The following R3HCC1L variants were observed in gnomAD, a reference collection of about 807,000 sequenced individuals.
R3HCC1L encodes the protein R3H domain and coiled-coil containing 1 like, also known as coiled-coil domain-containing protein R3HCC1L.
R3HCC1L carries 51 observed loss-of-function variants against 59.9 expected under a neutral mutation model. That is an observed-to-expected ratio of 0.85 (90% CI 0.68 to 1.07). R3HCC1L has a LOEUF of 1.07. Among genes scored for constraint, R3HCC1L ranks in the 50% least tolerant of loss-of-function variants. The probability of loss-of-function intolerance (pLI) is 0.00; values close to 1 mark genes in which losing one functional copy is unlikely to be tolerated. For synonymous variants in R3HCC1L, 322 were observed against 315.2 expected (o/e 1.02, Z -0.23); for missense variants, 965 against 933.0 (o/e 1.03, Z -0.45).
At chr10:98,210,506 G>A (rs1334401176) in intron 5 of R3HCC1L, among the ~76,000 whole-genome samples, 1 of 152,148 alleles carries the variant, frequency 6.6e-6, no homozygotes, top group South Asian at 2.1e-4. Flanking sequence ...ACTCAGTTCA[G>A]TCTTTTTGTT....
intron 9 of R3HCC1L, among the ~76,000 whole-genome samples, chr10:98,238,260 G>A (rs1200194147): frequency 1.3e-5 from 2 of 151,986 alleles, no homozygotes; most frequent in East Asian, 3.9e-4. Context: ...GCTCCATTTG[G>A]CATTCACTGA....
At position 98,155,699 on chromosome 10, in the gene R3HCC1L, C is replaced by T. The variant is rs76829480; in HGVS notation, c.-267-394C>T. 5.9e-3 allele frequency among the ~76,000 whole-genome samples: 896 copies of T among 152,148 alleles called. 5 individuals carry two copies. The highest frequency in any genetic ancestry group is 0.021 in the African/African-American group (859 of 41,556). ...ACTCCCCACTCTCTCTAGTCCTCTCCCTAAAAGTAACTACTTTCAACTCCT... is the reference window on the plus strand; with the variant it reads ...ACTCCCCACTCTCTCTAGTCCTCTCTCTAAAAGTAACTACTTTCAACTCCT... On this transcript the variant is annotated intron_variant, in intron 1 of 9. Coordinates refer to ENST00000298999, the MANE Select transcript of R3HCC1L (RefSeq NM_001351015.2).
Position 98,236,169 on chromosome 10 carries a change from G to A in R3HCC1L, c.2269+5G>A, listed in dbSNP as rs1451745876. 3 of 1,613,484 alleles carry A rather than the reference G, an allele frequency of 1.9e-6. No homozygotes were observed. The highest frequency in any genetic ancestry group is 2.5e-6 in the Non-Finnish European group (3 of 1,179,696). On this transcript the variant is annotated splice_donor_5th_base_variant and intron_variant, in intron 9 of 9. Transcript: ENST00000298999. ...AGAAACTGCAAGAAGCCAGAGGTGA[G>A]CTGAAAGGGTGGTGTTCTTCTCTAG...
At chr10:98,223,212 C>G (rs1165850111) in intron 5 of R3HCC1L, among the ~76,000 whole-genome samples, 1 of 152,112 alleles carries the variant, frequency 6.6e-6, no homozygotes, top group East Asian at 1.9e-4. Context: ...ATTTTGATAC[C>G]AAAGCCACGC....
chr10:98,243,899 A>G (rs1172753818), intron 9 of R3HCC1L, among the ~76,000 whole-genome samples, 192 bp from the exon 10 acceptor site: 3 of 152,212 alleles, frequency 2.0e-5, no homozygotes, highest in Non-Finnish European at 2.9e-5. Flanking sequence ...AGTAAATGTA[A>G]TGACTTACAG....
chr10:98,197,894 T>C (rs1851615599), intron 4 of R3HCC1L, among the ~76,000 whole-genome samples: 1 of 152,116 alleles, frequency 6.6e-6, no homozygotes, highest in South Asian at 2.1e-4. Flanking sequence ...TATATAGTAA[T>C]GAAGTTATAG....
intron 4 of R3HCC1L, among the ~76,000 whole-genome samples, chr10:98,181,990 C>T (rs1365214236): frequency 2.6e-5 from 4 of 152,120 alleles, no homozygotes; most frequent in East Asian, 3.9e-4. Flanking sequence ...TTGTTACTAC[C>T]GACCTTCTGA....
At chr10:98,202,410 CA>C (rs1382577914) in intron 4 of R3HCC1L, among the ~76,000 whole-genome samples, 2 of 152,130 alleles carry the variant, frequency 1.3e-5, no homozygotes, top group East Asian at 1.9e-4. Context: ...TTAAGAGCAT[CA>C]CTGAAGGACA....
At chr10:98,161,589 G>C (rs1328713750) in intron 2 of R3HCC1L, among the ~76,000 whole-genome samples, 1 of 152,036 alleles carries the variant, frequency 6.6e-6, no homozygotes, top group African/African-American at 2.4e-5. Flanking sequence ...ACTCACCTGT[G>C]TTTTCTTCTA....
chr10:98,209,548 T>G lies in R3HCC1L; in HGVS notation c.1434T>G (p.Ile478Met). 6.2e-7 allele frequency: 1 copy of G among 1,613,916 alleles called. No homozygotes were observed. Among genetic ancestry groups the G allele is most frequent in the Non-Finnish European group, 8.5e-7 (1 of 1,179,960 alleles). ...CTTCCTCCTTACCTATAAAAAAGAT[T>G]GCTGGTAGTAATTATAACACTTTTT... Reference protein sequence around the residue: ...DCASSLPIKKIAGSNYNTFLD... With the variant: ...DCASSLPIKKMAGSNYNTFLD... The change falls in exon 5 of 10, where the codon ATT (isoleucine) becomes ATG (methionine). Residue 478 changes from isoleucine to methionine, a missense_variant. Transcript: ENST00000298999.
intron 4 of R3HCC1L, among the ~76,000 whole-genome samples, chr10:98,183,958 G>GTTTTTTTTTTTTTT (rs71007380): frequency 3.2e-5 from 4 of 126,556 alleles, no homozygotes; most frequent in Non-Finnish European, 6.6e-5. Context: ...TCCTTTTTCG[G>GTTTTTTTTTTTTTT]TTTTTTTTTT....
intron 1 of R3HCC1L, among the ~76,000 whole-genome samples, chr10:98,140,539 A>G (rs2133859108): frequency 1.3e-5 from 2 of 152,326 alleles, no homozygotes; most frequent in Middle Eastern, 6.8e-3. Context: ...TCAGAGATGT[A>G]GACAGACGGG....
chr10:98,175,223 A>G (rs954939025), intron 4 of R3HCC1L, among the ~76,000 whole-genome samples: 1 of 152,214 alleles, frequency 6.6e-6, no homozygotes, highest in Non-Finnish European at 1.5e-5. Flanking sequence ...GCTACTAGAC[A>G]GGCATATTTT....
At chr10:98,236,730 A>G (rs1293041116) in intron 9 of R3HCC1L, among the ~76,000 whole-genome samples, 2 of 152,126 alleles carry the variant, frequency 1.3e-5, no homozygotes, top group African/African-American at 4.8e-5. Flanking sequence ...TCAGAAAAAT[A>G]TTTCCCCTGA....
chr10:98,233,889 T>C lies in R3HCC1L; in HGVS notation c.1962-557T>C, dbSNP rs1027745653. 3.9e-5 allele frequency among the ~76,000 whole-genome samples: 6 copies of C among 152,192 alleles called. No individual in the cohort carries two copies. In the South Asian group the frequency reaches 8.3e-4, roughly 21 times the overall value. On this transcript the variant is annotated intron_variant, in intron 6 of 9. Coordinates refer to ENST00000298999, the MANE Select transcript of R3HCC1L (RefSeq NM_001351015.2). ...CCTCCCTTCTGCAACAAGTGAAGAA[T>C]AGATCAGCCTCTCTGATTATAGTTG...
At chr10:98,149,395 T>C (rs902129479) in intron 1 of R3HCC1L, among the ~76,000 whole-genome samples, 8 of 152,174 alleles carry the variant, frequency 5.3e-5, no homozygotes, top group South Asian at 4.1e-4. Flanking sequence ...TCTACTAATT[T>C]TGGGCTAGGT....
In R3HCC1L at chr10:98,209,290, T is replaced by A. The variant is rs1853224590; in HGVS notation, c.1176T>A (p.Asp392Glu). 6.2e-7 allele frequency: 1 copy of A among 1,614,000 alleles called. No individual in the cohort carries two copies. The highest frequency in any genetic ancestry group is 1.3e-5 in the African/African-American group (1 of 75,054). Residue 392 changes from aspartate to glutamate, a missense_variant, in exon 5 of 10, where the codon GAT becomes GAA. Coordinates refer to ENST00000298999, the MANE Select transcript of R3HCC1L (RefSeq NM_001351015.2). ...CCTGTAGTGATCATGTAACTGTTGA[T>A]AGCCCTTATGTAGTTGCAGTTAGAA... ...GMSCSDHVTV[D>E]SPYVVAVRIA...
intron 5 of R3HCC1L, among the ~76,000 whole-genome samples, chr10:98,229,580 C>A (rs1191581362): frequency 6.6e-6 from 1 of 152,168 alleles, no homozygotes; most frequent in African/African-American, 2.4e-5. Context: ...ATTTCTTTCT[C>A]CTGCCTGATT....
chr10:98,138,601 G>C (rs1447405852), intron 1 of R3HCC1L, among the ~76,000 whole-genome samples: 5 of 152,154 alleles, frequency 3.3e-5, no homozygotes, highest in Non-Finnish European at 2.9e-5. Context: ...TGGAAGGTAT[G>C]CTAATTCTCA....
Sources: allele counts gnomAD v4.1 joint callset (sites outside exome capture counted in the v4.1 genomes callset), GRCh38; gene constraint gnomAD v4.1.1; transcripts MANE v1.5; gene names NCBI Gene and HGNC (gene_info 2026-07-23, HGNC 2026-07-21).